The following CTNNA2 variants were observed in gnomAD, a reference collection of about 807,000 sequenced individuals.
CTNNA2 encodes catenin alpha-2.
In CTNNA2, 42 loss-of-function variants were observed where a neutral mutation model predicts 101.0. That is an observed-to-expected ratio of 0.42 (90% confidence interval 0.32 to 0.54). The LOEUF (loss-of-function observed/expected upper bound fraction) is 0.54, where lower values mean the gene tolerates loss of function less well. Ranked by LOEUF, CTNNA2 falls within the 20% of genes least tolerant of loss-of-function variation. The pLI, the probability that CTNNA2 is intolerant of heterozygous loss-of-function variation, is 0.14. For missense variants in CTNNA2, 871 were observed against 1,223.1 expected (o/e 0.71, Z 4.29); for synonymous variants, 450 against 456.4 (o/e 0.99, Z 0.18).
intron 2 of CTNNA2, among the ~76,000 whole-genome samples, chr2:79,659,659 T>C (rs1293695041): frequency 6.6e-6 from 1 of 152,226 alleles, no homozygotes; most frequent in Non-Finnish European, 1.5e-5. Flanking sequence ...TTTTGAATGA[T>C]ATTTTTCTTG....
intron 7 of CTNNA2, among the ~76,000 whole-genome samples, chr2:80,247,643 C>G (rs1486989474): frequency 6.6e-6 from 1 of 152,180 alleles, no homozygotes; most frequent in Non-Finnish European, 1.5e-5. Context: ...TCTACCTCCT[C>G]AAACCTTGTT....
intron 15 of CTNNA2, among the ~76,000 whole-genome samples, chr2:80,603,325 A>G (rs1411307438): frequency 6.6e-6 from 1 of 152,112 alleles, no homozygotes; most frequent in African/African-American, 2.4e-5. Flanking sequence ...AATATTAAAC[A>G]CTTCACCTAA....
At chr2:79,669,476 G>A (rs1292449301) in intron 2 of CTNNA2, among the ~76,000 whole-genome samples, 5 of 152,204 alleles carry the variant, frequency 3.3e-5, no homozygotes, top group Admixed American at 1.3e-4. Flanking sequence ...AGAATGAGGT[G>A]CGCAGACAAT....
intron 7 of CTNNA2, among the ~76,000 whole-genome samples, chr2:80,261,786 G>T (rs899610153): frequency 1.2e-4 from 19 of 152,216 alleles, no homozygotes; most frequent in African/African-American, 4.6e-4. Context: ...AATATTTGTA[G>T]CCATTTATTA....
intron 1 of CTNNA2, among the ~76,000 whole-genome samples, chr2:79,558,509 G>A (rs750112747): frequency 2.0e-5 from 3 of 151,862 alleles, no homozygotes; most frequent in East Asian, 1.9e-4. Context: ...CTAAAGGGAC[G>A]TGCAGTGTAA....
intron 3 of CTNNA2, among the ~76,000 whole-genome samples, chr2:79,343,301 A>T (rs948000657): frequency 1.1e-4 from 16 of 152,226 alleles, no homozygotes; most frequent in African/African-American, 3.6e-4. Flanking sequence ...GTTTAAAAAA[A>T]ATAGGATATT....
At chr2:79,987,807 T>C (rs1691872371) in intron 7 of CTNNA2, among the ~76,000 whole-genome samples, 1 of 152,220 alleles carries the variant, frequency 6.6e-6, no homozygotes, top group Admixed American at 6.5e-5. Context: ...TTGAGATAAG[T>C]ACTGTTAAGT....
chr2:79,310,767 G>A (rs1676349596), intron 2 of CTNNA2, among the ~76,000 whole-genome samples: 2 of 152,212 alleles, frequency 1.3e-5, no homozygotes, highest in South Asian at 4.1e-4. Context: ...ACTGGGGGCA[G>A]ATATTCTATA....
At chr2:79,428,125 A>G (rs1224893957) in intron 4 of CTNNA2, among the ~76,000 whole-genome samples, 3 of 152,040 alleles carry the variant, frequency 2.0e-5, no homozygotes, top group Non-Finnish European at 4.4e-5. Flanking sequence ...TCTGTCTTCA[A>G]AACACCAAGG....
At chr2:79,926,540 C>G (rs1687031988) in intron 7 of CTNNA2, among the ~76,000 whole-genome samples, 1 of 151,914 alleles carries the variant, frequency 6.6e-6, no homozygotes, top group Non-Finnish European at 1.5e-5. Context: ...CGAATGCTTA[C>G]CCACTGGCTG....
At chr2:80,492,465 A>T (rs1316945687) in intron 9 of CTNNA2, among the ~76,000 whole-genome samples, 1 of 152,226 alleles carries the variant, frequency 6.6e-6, no homozygotes, top group Admixed American at 6.5e-5. Context: ...ACTATCCCTT[A>T]TACACATTCA....
chr2:79,635,294 C>G (rs1198722939), intron 1 of CTNNA2, among the ~76,000 whole-genome samples: 1 of 151,496 alleles, frequency 6.6e-6, no homozygotes, highest in Non-Finnish European at 1.5e-5. Flanking sequence ...TAGCCGGGCG[C>G]GGTGGTGGGC....
chr2:80,523,313 C>T (rs1323947028), intron 9 of CTNNA2, among the ~76,000 whole-genome samples: 3 of 151,838 alleles, frequency 2.0e-5, no homozygotes, highest in Non-Finnish European at 4.4e-5. Context: ...AAGTCGGTCC[C>T]GGTGCATGGA....
At chr2:79,468,174 G>T (rs1039967159) in intron 4 of CTNNA2, among the ~76,000 whole-genome samples, 8 of 152,088 alleles carry the variant, frequency 5.3e-5, no homozygotes, top group Non-Finnish European at 1.2e-4. Context: ...AAATAAAGGG[G>T]TGGAGGAAGA....
intron 7 of CTNNA2, among the ~76,000 whole-genome samples, chr2:80,044,493 G>A (rs1696385605): frequency 1.3e-5 from 2 of 152,072 alleles, no homozygotes; most frequent in African/African-American, 4.8e-5. Flanking sequence ...AAATACAGAT[G>A]TTAAAAACCT....
At chr2:79,268,241 A>G (rs1658762853) in intron 2 of CTNNA2, among the ~76,000 whole-genome samples, 1 of 152,138 alleles carries the variant, frequency 6.6e-6, no homozygotes, top group South Asian at 2.1e-4. Context: ...TGTAATGACC[A>G]TAATGGTCAG....
At chr2:79,671,813 G>C (rs1416866497) in intron 2 of CTNNA2, among the ~76,000 whole-genome samples, 1 of 152,192 alleles carries the variant, frequency 6.6e-6, no homozygotes, top group Non-Finnish European at 1.5e-5. Context: ...CTGTTTAGCC[G>C]CTAAGAGATG....
In CTNNA2 at chr2:80,325,189, C is replaced by T. The variant is rs182117836; in HGVS notation, c.1057-68022C>T. On this transcript the variant is annotated intron_variant, in intron 7 of 18. Coordinates refer to ENST00000402739, the MANE Select transcript of CTNNA2 (RefSeq NM_001282597.3). ...AGTGAGGTTTTTCAGACATTGAACACTAGTGTTTCTAGAAGAGGGAAGAAT... is the reference window on the plus strand; with the variant it reads ...AGTGAGGTTTTTCAGACATTGAACATTAGTGTTTCTAGAAGAGGGAAGAAT... Among the ~76,000 whole-genome samples the T allele has an allele frequency of 7.9e-3, 1,195 of 152,214 alleles. 11 individuals carry two copies. Among genetic ancestry groups the T allele is most frequent in the South Asian group, 0.034 (163 of 4,820 alleles).
intron 4 of CTNNA2, among the ~76,000 whole-genome samples, chr2:79,440,505 A>G (rs987959524): frequency 6.6e-6 from 1 of 152,104 alleles, no homozygotes; most frequent in Non-Finnish European, 1.5e-5. Context: ...TAGATATGCT[A>G]TGTTTGCTTG....
Sources: gnomAD v4.1 joint callset for allele counts (sites outside exome capture counted in the v4.1 genomes callset) on GRCh38, gnomAD v4.1.1 for gene constraint, MANE v1.5 for transcripts, NCBI Gene and HGNC (gene_info 2026-07-23, HGNC 2026-07-21) for gene names.